SCGN: variants seen among roughly 807,000 people sequenced by gnomAD.
SCGN encodes the protein secretagogin.
SCGN carries 30 observed loss-of-function variants against 39.7 expected under a neutral mutation model. The ratio of observed to expected loss-of-function variants is 0.76; its 90% CI spans 0.57 to 1.03. The LOEUF is 1.03. Among genes scored for constraint, SCGN ranks in the 50% least tolerant of loss-of-function variants. The pLI is 0.00. For missense variants in SCGN, 353 were observed against 349.4 expected, an observed-to-expected ratio of 1.01 and a Z score of -0.08; for synonymous variants, 106 against 114.1, an observed-to-expected ratio of 0.93 and a Z score of 0.45.
In SCGN at chr6:25,701,463, C is replaced by T. The variant is rs6928384; in HGVS notation, c.*128C>T. 4 of 1,249,260 alleles carry T rather than the reference C, an allele frequency of 3.2e-6. No homozygotes were observed. Among genetic ancestry groups the T allele is most frequent in the Non-Finnish European group, 4.5e-6 (4 of 898,014 alleles). 77.4% of individuals were successfully genotyped at this position (1,249,260 alleles called of 1,614,324 possible). On this transcript the variant is annotated 3_prime_UTR_variant, in exon 11 of 11. Transcript: ENST00000377961. Reference sequence around the variant, plus strand: ...ATGGTGTGCTATTCTTGGGCAAGAACAGGGACGCTAGGGCCTTCCTTCCAC... The same window carrying T: ...ATGGTGTGCTATTCTTGGGCAAGAATAGGGACGCTAGGGCCTTCCTTCCAC...
rs1760258251 is a variant in SCGN, at chr6:25,658,002, CCTTTTTTTTTTTTTTTTTTTTTTT to C, written c.154-3549_154-3526del. ...GGTGTGTGTTCATTTAGAAAGGTAT[CCTTTTTTTTTTTTTTTTTTTTTTT>C]TTTTTTTTTTTTTTTTTTTTTTTTT... On this transcript the variant is annotated intron_variant, in intron 2 of 10. Transcript: ENST00000377961. Among the ~76,000 whole-genome samples the C allele has an allele frequency of 4.0e-3, 189 of 47,672 alleles. 28 individuals carry two copies. The highest frequency in any genetic ancestry group is 6.8e-3 in the Admixed American group (26 of 3,826). The allele number at this position is 47,672 out of a possible 152,430, so 31.3% of individuals were successfully genotyped here.
intron 2 of SCGN, among the ~76,000 whole-genome samples, chr6:25,657,274 G>C (rs370640822): frequency 6.6e-6 from 1 of 152,078 alleles, no homozygotes; most frequent in African/African-American, 2.4e-5. Context: ...ACTCATGGTC[G>C]GTGGGGAAAG....
chr6:25,664,353 A>C (rs1760392433), intron 3 of SCGN, among the ~76,000 whole-genome samples: 1 of 152,254 alleles, frequency 6.6e-6, no homozygotes, highest in Non-Finnish European at 1.5e-5. Flanking sequence ...AGTGATTAAA[A>C]GTGTGGGCTT....
At chr6:25,687,581 G>A (rs1231992017) in intron 7 of SCGN, among the ~76,000 whole-genome samples, 1 of 151,800 alleles carries the variant, frequency 6.6e-6, no homozygotes, top group Non-Finnish European at 1.5e-5. Context: ...GTTTTTTGTT[G>A]GATTCCTTAG....
chr6:25,679,063 G>A (rs182307649), intron 6 of SCGN: 28 of 152,718 alleles, frequency 1.8e-4, no homozygotes, highest in Non-Finnish European at 3.1e-4. Context: ...TCGGACTAGT[G>A]CAGTTCTCAG....
chr6:25,658,988 C>A (rs2151377159), intron 2 of SCGN, among the ~76,000 whole-genome samples: 1 of 152,274 alleles, frequency 6.6e-6, no homozygotes, highest in Admixed American at 6.5e-5. Context: ...TAGCTTAAAT[C>A]CTGTCAGCTC....
chr6:25,675,784 G>A (rs563934943), intron 6 of SCGN, among the ~76,000 whole-genome samples: 66 of 152,238 alleles, frequency 4.3e-4, no homozygotes, highest in African/African-American at 1.3e-3. Flanking sequence ...TCTGATGCTC[G>A]TCTGGGCTCA....
chr6:25,654,982 G>A (rs564755102), intron 2 of SCGN, among the ~76,000 whole-genome samples: 28 of 152,280 alleles, frequency 1.8e-4, no homozygotes, highest in African/African-American at 6.0e-4. Context: ...CCCAAGTGAG[G>A]CTTCTGCTTC....
intron 6 of SCGN, among the ~76,000 whole-genome samples, chr6:25,680,415 T>A (rs1261366322): frequency 6.6e-6 from 1 of 152,296 alleles, no homozygotes; most frequent in African/African-American, 2.4e-5. Context: ...AGGCAAATGA[T>A]TTTTTTCCTG....
intron 7 of SCGN, among the ~76,000 whole-genome samples, chr6:25,686,336 A>G (rs1355328189): frequency 6.6e-6 from 1 of 152,174 alleles, no homozygotes; most frequent in East Asian, 1.9e-4. Flanking sequence ...TCCCACCAAC[A>G]ATGTATCAGG....
At chr6:25,671,384 CTT>C (rs1190085399) in intron 6 of SCGN, among the ~76,000 whole-genome samples, 2 of 139,262 alleles carry the variant, frequency 1.4e-5, no homozygotes, top group Admixed American at 7.2e-5. Flanking sequence ...GCCCTGGAGA[CTT>C]CTCTGCTTTC....
At position 25,652,264 on chromosome 6, in the gene SCGN, G is replaced by T. The variant is rs943683371; in HGVS notation, c.-140G>T. On this transcript the variant is annotated 5_prime_UTR_variant, in exon 1 of 11. Transcript: ENST00000377961. ...CGACGCCACGGCCAGCAGCGCTCGCGTCCTCCCCAGCAACAGTTACTCAAA... is the reference window on the plus strand; with the variant it reads ...CGACGCCACGGCCAGCAGCGCTCGCTTCCTCCCCAGCAACAGTTACTCAAA... 6.6e-5 allele frequency: 46 copies of T among 694,030 alleles called. No individual in the cohort carries two copies. Among genetic ancestry groups the T allele is most frequent in the Admixed American group, 1.2e-4 (5 of 42,520 alleles). The allele number at this position is 694,030 out of a possible 1,614,324, so 43.0% of individuals were successfully genotyped here. A position where few individuals can be genotyped will look rare whatever the true frequency, so the allele number is the denominator to read the frequency against.
rs139989881 is a variant in SCGN at position 25,695,238 on chromosome 6, T to C, written c.702+4114T>C. Among the ~76,000 whole-genome samples the C allele has an allele frequency of 8.6e-3, 1,312 of 152,320 alleles. 4 individuals carry two copies. The highest frequency in any genetic ancestry group is 0.013 in the Non-Finnish European group (860 of 68,018). On this transcript the variant is annotated intron_variant, in intron 10 of 10. Coordinates refer to ENST00000377961, the MANE Select transcript of SCGN (RefSeq NM_006998.4). ...GATTTCTTTTTTTCCAACAAATGTA[T>C]TGAGATATGATTGACACTTAAAAAA...
chr6:25,686,257 C>A (rs147526079), intron 7 of SCGN, among the ~76,000 whole-genome samples: 1 of 152,236 alleles, frequency 6.6e-6, no homozygotes, highest in African/African-American at 2.4e-5. Context: ...TGGTTCGTGT[C>A]GTAATTTTAC....
At chr6:25,660,603 A>G (rs1050892837) in intron 2 of SCGN, among the ~76,000 whole-genome samples, 10 of 152,226 alleles carry the variant, frequency 6.6e-5, no homozygotes, top group Non-Finnish European at 1.2e-4. Context: ...TTCTTGAGAA[A>G]TACAAGTGAG....
intron 6 of SCGN, among the ~76,000 whole-genome samples, chr6:25,675,826 C>G (rs909365637): frequency 6.6e-6 from 1 of 152,230 alleles, no homozygotes; most frequent in Non-Finnish European, 1.5e-5. Flanking sequence ...TATGTCCACT[C>G]TCACTCTTGG....
intron 6 of SCGN, among the ~76,000 whole-genome samples, chr6:25,670,479 T>C (rs1022918932): frequency 6.6e-6 from 1 of 152,212 alleles, no homozygotes; most frequent in Admixed American, 6.5e-5. Flanking sequence ...GTTGATTTAG[T>C]GCAGTTGGAG....
chr6:25,683,521 A>G (rs1759664754), intron 7 of SCGN, among the ~76,000 whole-genome samples: 3 of 152,192 alleles, frequency 2.0e-5, no homozygotes, highest in Non-Finnish European at 4.4e-5. Flanking sequence ...ACACAATATG[A>G]CCTACCTATG....
chr6:25,652,526 G>T (rs1423916359), intron 1 of SCGN, 41 bp downstream of exon 1: 4 of 1,586,896 alleles, frequency 2.5e-6, no homozygotes, highest in Admixed American at 1.7e-5. Flanking sequence ...GTGTAGACGT[G>T]GCTCCAAGCT....
Sources: gnomAD v4.1 joint callset for allele counts (sites outside exome capture counted in the v4.1 genomes callset) on GRCh38, gnomAD v4.1.1 for gene constraint, MANE v1.5 for transcripts, NCBI Gene and HGNC (gene_info 2026-07-23, HGNC 2026-07-21) for gene names.